Variants in APOLD1 observed in about 807,000 individuals in gnomAD.
The protein encoded by APOLD1 is apolipoprotein L domain containing 1.
Under a neutral mutation model 15.3 loss-of-function variants are expected in APOLD1, and 22 were observed. The observed-to-expected ratio is 1.44, with a 90% CI of 1.03 to 2.05. The LOEUF (loss-of-function observed/expected upper bound fraction) is 2.05, where lower values mean the gene tolerates loss of function less well. Ranked by LOEUF, APOLD1 falls within the 30% of genes most tolerant of loss-of-function variation. The pLI is 0.00. For missense variants in APOLD1, 394 were observed against 353.5 expected, an observed-to-expected ratio of 1.11 and a Z score of -0.92; for synonymous variants, 190 against 167.4, an observed-to-expected ratio of 1.13 and a Z score of -1.04.
intron 1 of APOLD1, among the ~76,000 whole-genome samples, chr12:12,758,399 C>T (rs561670388): frequency 6.6e-6 from 1 of 151,790 alleles, no homozygotes; most frequent in Non-Finnish European, 1.5e-5. Context: ...ACAAAAATTA[C>T]CTGGGCCTGG....
chr12:12,751,231 G>A (rs1044701504), intron 1 of APOLD1, among the ~76,000 whole-genome samples: 1 of 152,134 alleles, frequency 6.6e-6, no homozygotes, highest in Admixed American at 6.5e-5. Context: ...GGCAAGGATG[G>A]TCCTCACAGG....
intron 1 of APOLD1, chr12:12,726,518 G>T (rs1946594879): frequency 7.9e-6 from 2 of 253,970 alleles, no homozygotes; most frequent in South Asian, 7.4e-5. Flanking sequence ...TAAGTCAAAT[G>T]ATTCTCTCAG....
At chr12:12,752,538 T>A (rs924769450) in intron 1 of APOLD1, among the ~76,000 whole-genome samples, 3 of 152,174 alleles carry the variant, frequency 2.0e-5, no homozygotes, top group African/African-American at 7.2e-5. Flanking sequence ...AAATGGTGAC[T>A]TTGAGGATAA....
At chr12:12,745,103 G>C (rs1946755737) in intron 1 of APOLD1, among the ~76,000 whole-genome samples, 1 of 152,194 alleles carries the variant, frequency 6.6e-6, no homozygotes, top group South Asian at 2.1e-4. Context: ...AAAAGTGAAT[G>C]CTTTGTGTAC....
chr12:12,770,996 C>G (rs1286969253), intron 1 of APOLD1, among the ~76,000 whole-genome samples: 2 of 152,076 alleles, frequency 1.3e-5, no homozygotes, highest in African/African-American at 4.8e-5. Flanking sequence ...ACCTAGAATT[C>G]TGTACGCTGT....
intron 1 of APOLD1, among the ~76,000 whole-genome samples, chr12:12,774,932 A>G (rs1208130394): frequency 6.6e-6 from 1 of 152,240 alleles, no homozygotes; most frequent in East Asian, 1.9e-4. Flanking sequence ...CATAAGATCC[A>G]GCAGTCATGT....
intron 1 of APOLD1, among the ~76,000 whole-genome samples, chr12:12,771,135 A>T (rs1402289635): frequency 1.3e-5 from 2 of 152,252 alleles, no homozygotes; most frequent in Non-Finnish European, 2.9e-5. Context: ...TATAGGTCAG[A>T]AACTCAGATA....
chr12:12,771,556 C>A, intron 1 of APOLD1: 1 of 522,162 alleles, frequency 1.9e-6, no homozygotes, highest in Non-Finnish European at 3.8e-6. Context: ...ATTTCCTGCC[C>A]CATTTGTTTT....
At position 12,787,473 on chromosome 12, in the gene APOLD1, G is replaced by T; in HGVS notation, c.568G>T (p.Val190Phe). Residue 190 changes from valine to phenylalanine, a missense_variant, in exon 2 of 2, where the codon GTT becomes TTT. By Grantham distance (50) the Val-to-Phe change is conservative. Coordinates refer to ENST00000356591, the MANE Select transcript of APOLD1 (RefSeq NM_030817.3). This position sits in a 1 kb window ranked among gnomAD's most constrained non-coding sequence, Gnocchi z 4.9. ...IPRRAEGDTKVSQAVLKAKIQ... is the reference protein window; with the variant it reads ...IPRRAEGDTKFSQAVLKAKIQ... ...CAGGCGGGCGGAGGGGGACACCAAG[G>T]TTAGCCAGGCCGTGCTGAAGGCCAA... is the stretch of plus-strand genomic sequence containing the variant. 1 of 1,614,180 alleles carries T rather than the reference G, an allele frequency of 6.2e-7. No homozygotes were observed. The highest frequency in any genetic ancestry group is 8.5e-7 in the Non-Finnish European group (1 of 1,180,032).
At chr12:12,743,318 CCAGT>C (rs1946741693) in intron 1 of APOLD1, among the ~76,000 whole-genome samples, 1 of 152,042 alleles carries the variant, frequency 6.6e-6, no homozygotes, top group Non-Finnish European at 1.5e-5. Flanking sequence ...TCTCTTGAGC[CCAGT>C]CAATCACTGA....
chr12:12,741,198 CT>C (rs1377174740), intron 1 of APOLD1, among the ~76,000 whole-genome samples: 1 of 152,088 alleles, frequency 6.6e-6, no homozygotes, highest in Admixed American at 6.6e-5. Context: ...AACTGTCATA[CT>C]TTTTTTACGA....
At chr12:12,778,534 C>T (rs971569898) in intron 1 of APOLD1, among the ~76,000 whole-genome samples, 1 of 150,806 alleles carries the variant, frequency 6.6e-6, no homozygotes, top group African/African-American at 2.4e-5. Context: ...CACTGTGTTG[C>T]CCAGGCTGAT....
At chr12:12,771,939 A>C (rs1319892246) in intron 1 of APOLD1, among the ~76,000 whole-genome samples, 1 of 152,086 alleles carries the variant, frequency 6.6e-6, no homozygotes, top group Non-Finnish European at 1.5e-5. Flanking sequence ...TATATTGCAA[A>C]CTCTGGGGCA....
intron 1 of APOLD1, among the ~76,000 whole-genome samples, chr12:12,763,195 A>G (rs1182733966): frequency 6.6e-6 from 1 of 152,194 alleles, no homozygotes; most frequent in Non-Finnish European, 1.5e-5. Flanking sequence ...ATGTTTAGAT[A>G]TATGTGTGCA....
chr12:12,755,699 G>C (rs893182740), intron 1 of APOLD1, among the ~76,000 whole-genome samples: 4 of 152,132 alleles, frequency 2.6e-5, no homozygotes, highest in Non-Finnish European at 4.4e-5. Context: ...AAAATTAGCT[G>C]GACGTGGTGG....
At chr12:12,732,633 G>A (rs1238234922) in intron 1 of APOLD1, among the ~76,000 whole-genome samples, 1 of 151,212 alleles carries the variant, frequency 6.6e-6, no homozygotes, top group Non-Finnish European at 1.5e-5. Flanking sequence ...GCTGAGGCAG[G>A]AGAATCGCTT....
chr12:12,775,232 T>C (rs960096044), intron 1 of APOLD1, among the ~76,000 whole-genome samples: 1 of 152,178 alleles, frequency 6.6e-6, no homozygotes, highest in Non-Finnish European at 1.5e-5. Context: ...CTAATGACAT[T>C]CTGGAAAAGA....
intron 1 of APOLD1, among the ~76,000 whole-genome samples, chr12:12,751,726 C>A (rs941481377): frequency 2.0e-5 from 3 of 152,212 alleles, no homozygotes; most frequent in African/African-American, 7.2e-5. Context: ...ATGTTCACAT[C>A]CTAATTCTCA....
chr12:12,753,856 A>C (rs1260684253), intron 1 of APOLD1, among the ~76,000 whole-genome samples: 1 of 152,140 alleles, frequency 6.6e-6, no homozygotes, highest in Non-Finnish European at 1.5e-5. Context: ...CTTCCAGAGG[A>C]AAAAACCAGA....
Sources: allele counts gnomAD v4.1 joint callset (sites outside exome capture counted in the v4.1 genomes callset), GRCh38; gene constraint gnomAD v4.1.1; non-coding constraint Gnocchi (gnomAD v3.1); transcripts MANE v1.5; gene names NCBI Gene and HGNC (gene_info 2026-07-23, HGNC 2026-07-21).